Variants in LINGO2 observed in about 807,000 individuals in gnomAD.
LINGO2 encodes leucine-rich repeat and immunoglobulin-like domain-containing nogo receptor-interacting protein 2.
In LINGO2, 14 loss-of-function variants were observed where a neutral mutation model predicts 30.6. The ratio of observed to expected loss-of-function variants is 0.46; its 90% CI spans 0.30 to 0.72. LINGO2 has a LOEUF of 0.72. LINGO2 is among the 30% of genes least tolerant of loss of function. The probability of loss-of-function intolerance (pLI) is 0.07; values close to 1 mark genes in which losing one functional copy is unlikely to be tolerated. For missense variants in LINGO2, 729 were observed against 751.7 expected, an observed-to-expected ratio of 0.97 and a Z score of 0.35; for synonymous variants, 317 against 288.5, an observed-to-expected ratio of 1.10 and a Z score of -1.00.
intron 3 of LINGO2, among the ~76,000 whole-genome samples, chr9:28,299,481 A>C (rs1380690589): frequency 6.6e-6 from 1 of 152,094 alleles, no homozygotes; most frequent in Non-Finnish European, 1.5e-5. Flanking sequence ...TCTGATGAAA[A>C]GGTCAGAAAG....
chr9:28,199,707 T>C (rs1820158622), intron 4 of LINGO2, among the ~76,000 whole-genome samples: 1 of 152,144 alleles, frequency 6.6e-6, no homozygotes, highest in South Asian at 2.1e-4. Context: ...CCAATGTTTA[T>C]CTCTGCTAAG....
chr9:28,871,281 C>A, the LINGO2 span, among the ~76,000 whole-genome samples: 1 of 151,290 alleles, frequency 6.6e-6, no homozygotes, highest in African/African-American at 2.4e-5. Context: ...CCATAATAAT[C>A]TGCTAATTGA....
chr9:28,386,713 T>G (rs1821594235), intron 2 of LINGO2, among the ~76,000 whole-genome samples: 1 of 152,174 alleles, frequency 6.6e-6, no homozygotes, highest in Non-Finnish European at 1.5e-5. Context: ...ATTTTAAAAA[T>G]AAACTATTCT....
the LINGO2 span, among the ~76,000 whole-genome samples, chr9:28,882,905 T>C: frequency 3.3e-5 from 5 of 152,338 alleles, no homozygotes; most frequent in African/African-American, 1.2e-4. Context: ...GCTATTGTAA[T>C]AGTCTTGTAA....
intron 1 of LINGO2, among the ~76,000 whole-genome samples, chr9:28,599,958 T>C (rs1825392568): frequency 6.6e-6 from 1 of 152,172 alleles, no homozygotes; most frequent in Admixed American, 6.5e-5. Flanking sequence ...TTGGAACAAA[T>C]GTATTTCCCA....
the LINGO2 span, among the ~76,000 whole-genome samples, chr9:28,750,718 G>C: frequency 6.6e-6 from 1 of 151,954 alleles, no homozygotes; most frequent in Non-Finnish European, 1.5e-5. Context: ...CTGTTATGTG[G>C]AGAAAATCAT....
the LINGO2 span, among the ~76,000 whole-genome samples, chr9:29,002,769 A>G: frequency 6.6e-6 from 1 of 151,804 alleles, no homozygotes; most frequent in Non-Finnish European, 1.5e-5. Flanking sequence ...GCTGCTTCCC[A>G]TTTCAATCTC....
the LINGO2 span, among the ~76,000 whole-genome samples, chr9:29,016,469 T>C: frequency 2.0e-4 from 31 of 152,290 alleles, no homozygotes; most frequent in African/African-American, 3.4e-4. Flanking sequence ...ATTATCATTG[T>C]TCTCTTTCAA....
intron 4 of LINGO2, among the ~76,000 whole-genome samples, chr9:28,254,130 T>C (rs1427194973): frequency 6.6e-6 from 1 of 152,086 alleles, no homozygotes; most frequent in African/African-American, 2.4e-5. Flanking sequence ...CCTACAACAA[T>C]AACATAATTA....
chr9:28,030,297 A>G (rs1823602492), intron 4 of LINGO2, among the ~76,000 whole-genome samples: 1 of 152,152 alleles, frequency 6.6e-6, no homozygotes, highest in African/African-American at 2.4e-5. Flanking sequence ...AAAGTATAAA[A>G]CCAACTGTAT....
intron 5 of LINGO2, among the ~76,000 whole-genome samples, chr9:27,982,611 A>G (rs7855449): frequency 0.46 from 69,388 of 151,706 alleles, 16,942 homozygotes; most frequent in African/African-American, 0.64. Flanking sequence ...TAAGTAACTT[A>G]CCTTATTTAG....
In LINGO2 at chr9:28,411,618, A is replaced by G. The variant is rs1220516532; in HGVS notation, c.-278-38750T>C. Among the ~76,000 whole-genome samples, 4 of 152,122 alleles carry G rather than the reference A, an allele frequency of 2.6e-5. No homozygotes were observed. The East Asian group carries it at 7.7e-4, about 29-fold the overall frequency. ...ATAATTACCTTCCTTTTTGTAGCCA[A>G]ATAATATCCATCATATGTAGATGCC... is the stretch of plus-strand genomic sequence containing the variant. On this transcript the variant is annotated intron_variant, in intron 2 of 5. Transcript: ENST00000379992.
At chr9:28,532,336 T>C (rs1821265978) in intron 1 of LINGO2, among the ~76,000 whole-genome samples, 1 of 152,186 alleles carries the variant, frequency 6.6e-6, no homozygotes, top group African/African-American at 2.4e-5. Flanking sequence ...CATATTCAGC[T>C]AAAATAGGTT....
chr9:28,467,225 C>T (rs1403903806), intron 2 of LINGO2, among the ~76,000 whole-genome samples: 2 of 152,044 alleles, frequency 1.3e-5, no homozygotes, highest in Admixed American at 1.3e-4. Flanking sequence ...TGGGGTTTCA[C>T]CGTGTTAGCC....
chr9:28,369,866 G>T (rs1006035748), intron 3 of LINGO2, among the ~76,000 whole-genome samples: 1 of 152,076 alleles, frequency 6.6e-6, no homozygotes, highest in African/African-American at 2.4e-5. Flanking sequence ...GTGAATATTG[G>T]TATTCCTCTT....
chr9:28,582,674 C>G (rs374426262), intron 1 of LINGO2, among the ~76,000 whole-genome samples: 1 of 152,056 alleles, frequency 6.6e-6, no homozygotes, highest in Non-Finnish European at 1.5e-5. Flanking sequence ...AATTCTTGAA[C>G]AGCAGACTTC....
chr9:28,031,145 C>G (rs182876057), intron 4 of LINGO2, among the ~76,000 whole-genome samples: 3 of 152,140 alleles, frequency 2.0e-5, no homozygotes, highest in East Asian at 1.9e-4. Context: ...TGTAAATGAG[C>G]CTTCAAAATG....
the LINGO2 span, among the ~76,000 whole-genome samples, chr9:29,155,454 C>A: frequency 1.3e-5 from 2 of 151,940 alleles, no homozygotes; most frequent in East Asian, 3.9e-4. Context: ...ATACTGACTA[C>A]AATTCTCTCC....
intron 4 of LINGO2, among the ~76,000 whole-genome samples, chr9:28,095,739 A>G (rs1016142042): frequency 6.6e-6 from 1 of 152,226 alleles, no homozygotes; most frequent in African/African-American, 2.4e-5. Flanking sequence ...GAGCTTCTGC[A>G]CAGCAAAGGA....
Sources: gnomAD v4.1 joint callset for allele counts (sites outside exome capture counted in the v4.1 genomes callset) on GRCh38, gnomAD v4.1.1 for gene constraint, MANE v1.5 for transcripts, NCBI Gene and HGNC (gene_info 2026-07-23, HGNC 2026-07-21) for gene names.